Variants in ANKS1B observed in about 807,000 individuals in gnomAD.
ANKS1B encodes ankyrin repeat and sterile alpha motif domain-containing protein 1B.
ANKS1B carries 36 observed loss-of-function variants against 148.3 expected under a neutral mutation model. The observed-to-expected ratio is 0.24, with a 90% CI of 0.19 to 0.32. The LOEUF is 0.32. ANKS1B is among the 10% of genes least tolerant of loss of function. ANKS1B has a pLI of 1.00. For missense variants in ANKS1B, 1,157 were observed against 1,542.6 expected (o/e 0.75, Z 4.19); for synonymous variants, 542 against 560.8 (o/e 0.97, Z 0.47).
chr12:99,368,493 C>T (rs1462180994), intron 12 of ANKS1B, among the ~76,000 whole-genome samples: 8 of 151,976 alleles, frequency 5.3e-5, no homozygotes, highest in Non-Finnish European at 8.8e-5. Context: ...GTCTTAGAAA[C>T]TAAGATTTTC....
At chr12:98,802,538 TGAAGTAG>T (rs1323962027) in intron 20 of ANKS1B, among the ~76,000 whole-genome samples, 1 of 146,548 alleles carries the variant, frequency 6.8e-6, no homozygotes, top group Non-Finnish European at 1.5e-5. Context: ...AGGTGACATA[TGAAGTAG>T]CTGCCAATGA....
At chr12:98,806,833 G>C (rs2099054452) in intron 20 of ANKS1B, among the ~76,000 whole-genome samples, 1 of 152,140 alleles carries the variant, frequency 6.6e-6, no homozygotes, top group Non-Finnish European at 1.5e-5. Context: ...AAAAGCTCTG[G>C]TTAACATTTA....
chr12:99,414,862 T>C (rs1387497628), intron 11 of ANKS1B, among the ~76,000 whole-genome samples: 1 of 152,216 alleles, frequency 6.6e-6, no homozygotes, highest in African/African-American at 2.4e-5. Context: ...CTTGTCAAAA[T>C]AGATTTTTTA....
At chr12:99,412,335 A>C (rs1453840339) in intron 11 of ANKS1B, among the ~76,000 whole-genome samples, 1 of 152,076 alleles carries the variant, frequency 6.6e-6, no homozygotes, top group Non-Finnish European at 1.5e-5. Flanking sequence ...GGGGTCCTTC[A>C]CCTTCCTTAG....
intron 17 of ANKS1B, among the ~76,000 whole-genome samples, chr12:98,883,582 A>G (rs1355651652): frequency 2.0e-5 from 3 of 152,212 alleles, no homozygotes; most frequent in Non-Finnish European, 2.9e-5. Flanking sequence ...AGTCACTTAC[A>G]ATGCAGGGAC....
intron 1 of ANKS1B, among the ~76,000 whole-genome samples, chr12:99,978,440 C>G (rs1367977298): frequency 6.6e-6 from 1 of 152,212 alleles, no homozygotes; most frequent in African/African-American, 2.4e-5. Context: ...GCACTGTTCA[C>G]TCTGGCAGAT....
intron 10 of ANKS1B, among the ~76,000 whole-genome samples, chr12:99,456,657 T>C (rs982006518): frequency 3.9e-5 from 6 of 151,934 alleles, no homozygotes; most frequent in Non-Finnish European, 5.9e-5. Context: ...ATCAAACAAG[T>C]AGAAGAAAAA....
chr12:99,226,736 G>GGACC (rs2085999521), intron 14 of ANKS1B, among the ~76,000 whole-genome samples: 1 of 152,122 alleles, frequency 6.6e-6, no homozygotes, highest in Non-Finnish European at 1.5e-5. Flanking sequence ...AAGTTAGAAG[G>GGACC]TGAACCAAAG....
chr12:99,955,457 C>A (rs913695947), intron 1 of ANKS1B, among the ~76,000 whole-genome samples: 3 of 133,948 alleles, frequency 2.2e-5, no homozygotes, highest in African/African-American at 5.6e-5. Flanking sequence ...CGCGCCACTG[C>A]GCTCCAGCCT....
At chr12:99,585,659 T>C in intron 9 of ANKS1B, among the ~76,000 whole-genome samples, 1 of 152,158 alleles carries the variant, frequency 6.6e-6, no homozygotes, top group South Asian at 2.1e-4. Context: ...CATCCAGAAG[T>C]TTCCATACAT....
chr12:98,984,188 G>A (rs956824418), intron 17 of ANKS1B, among the ~76,000 whole-genome samples: 1 of 152,192 alleles, frequency 6.6e-6, no homozygotes, highest in Non-Finnish European at 1.5e-5. Context: ...AGGTCCTCTG[G>A]TTTAACTGAG....
At chr12:98,986,267 T>G (rs556333256) in intron 17 of ANKS1B, among the ~76,000 whole-genome samples, 15 of 152,078 alleles carry the variant, frequency 9.9e-5, no homozygotes, top group Non-Finnish European at 1.9e-4. Flanking sequence ...TTTTAGAAAT[T>G]CTCAGTCATT....
At chr12:99,816,158 T>C (rs2153671595) in intron 2 of ANKS1B, among the ~76,000 whole-genome samples, 1 of 151,918 alleles carries the variant, frequency 6.6e-6, no homozygotes, top group South Asian at 2.1e-4. Context: ...TGTTTTCTTT[T>C]TTTACTTTTT....
At position 99,900,505 on chromosome 12, in the gene ANKS1B, C is replaced by CAAA. The variant is rs71303560; in HGVS notation, c.135-75119_135-75117dup. On this transcript the variant is annotated intron_variant, in intron 1 of 26. Transcript: ENST00000683438. ...TGGGCGACAGAGTGAGACTCCATCT[C>CAAA]AAAAAAAAAAAAAAAAAAAAAAACT... 1.2e-3 allele frequency among the ~76,000 whole-genome samples: 88 copies of CAAA among 70,596 alleles called. 1 individual carries two copies. The highest frequency in any genetic ancestry group is 2.1e-3 in the African/African-American group (52 of 25,258). 46.3% of individuals were successfully genotyped at this position (70,596 alleles called of 152,430 possible).
At chr12:99,072,764 T>A (rs1461125313) in intron 16 of ANKS1B, among the ~76,000 whole-genome samples, 3 of 152,218 alleles carry the variant, frequency 2.0e-5, no homozygotes, top group Non-Finnish European at 4.4e-5. Flanking sequence ...TGCTTAATAG[T>A]TCTCCATAGC....
Position 98,785,611 on chromosome 12 carries a change from G to C in ANKS1B, c.3343-3474C>G, listed in dbSNP as rs1051535440. Among the ~76,000 whole-genome samples the C allele has an allele frequency of 3.9e-5, 6 of 152,256 alleles. No homozygotes were observed. The East Asian group carries it at 1.2e-3, about 29-fold the overall frequency. The stretch of plus-strand genomic sequence containing the variant: ...TTTACAGGCATCAAAATGTGAGCAC[G>C]GGGCTTCAGTCCAATCACAGGCAGT... On this transcript the variant is annotated intron_variant, in intron 22 of 26. Coordinates refer to ENST00000683438, the MANE Select transcript of ANKS1B (RefSeq NM_001352186.2).
intron 1 of ANKS1B, among the ~76,000 whole-genome samples, chr12:99,837,076 A>AC (rs2084966540): frequency 6.6e-6 from 1 of 152,180 alleles, no homozygotes; most frequent in Non-Finnish European, 1.5e-5. Flanking sequence ...CCATGTAATT[A>AC]CAAGTGGAGA....
intron 8 of ANKS1B, among the ~76,000 whole-genome samples, chr12:99,671,137 T>C (rs2098536298): frequency 6.6e-6 from 1 of 152,176 alleles, no homozygotes; most frequent in South Asian, 2.1e-4. Flanking sequence ...GCATGAAGTA[T>C]ATCTTATCTC....
intron 1 of ANKS1B, among the ~76,000 whole-genome samples, chr12:99,882,776 T>C (rs1371894966): frequency 1.3e-5 from 2 of 152,300 alleles, no homozygotes; most frequent in East Asian, 3.9e-4. Context: ...ACACCACCTG[T>C]TCCCCCAAAA....
Sources: allele counts gnomAD v4.1 joint callset (sites outside exome capture counted in the v4.1 genomes callset), GRCh38; gene constraint gnomAD v4.1.1; transcripts MANE v1.5; gene names NCBI Gene and HGNC (gene_info 2026-07-23, HGNC 2026-07-21).